SCRIB: variants seen among roughly 807,000 people sequenced by gnomAD.
The protein encoded by SCRIB is protein scribble homolog.
Under a neutral mutation model 170.0 loss-of-function variants are expected in SCRIB, and 72 were observed. That is an observed-to-expected ratio of 0.42 (90% CI 0.35 to 0.52). SCRIB has a LOEUF of 0.52. Among genes scored for constraint, SCRIB ranks in the 20% least tolerant of loss-of-function variants. The pLI is 0.02. For synonymous variants in SCRIB, 1,298 were observed against 1,044.3 expected, an observed-to-expected ratio of 1.24 and a Z score of -4.68; for missense variants, 2,475 against 2,338.5, an observed-to-expected ratio of 1.06 and a Z score of -1.20.
Position 143,792,682 on chromosome 8 carries a change from C to A in SCRIB, c.4177+26G>T, listed in dbSNP as rs1814754153. 4 of 1,588,908 alleles carry A rather than the reference C, an allele frequency of 2.5e-6. No homozygotes were observed. The East Asian group carries it at 6.8e-5, about 27-fold the overall frequency. On this transcript the variant is annotated intron_variant, in intron 30 of 36. Transcript: ENST00000356994. ...CAGGCCAGACCAGCCGAGACCCAAC[C>A]CCCACCCCACTTCCGTGCCCCTCAC... is the stretch of plus-strand genomic sequence containing the variant.
intron 28 of SCRIB, 106 bp downstream of exon 28, chr8:143,793,794 G>A (rs797036835): frequency 5.3e-6 from 6 of 1,133,612 alleles, no homozygotes; most frequent in African/African-American, 3.1e-5. Flanking sequence ...AGCACCCCAC[G>A]ATGGCCCCTG....
intron 24 of SCRIB, among the ~76,000 whole-genome samples, chr8:143,798,112 T>G (rs1815018862): frequency 6.6e-6 from 1 of 152,072 alleles, no homozygotes; most frequent in South Asian, 2.1e-4. Context: ...AAGAAACAGA[T>G]TTTTTCGGTG....
In SCRIB at chr8:143,792,242, G is replaced by A; in HGVS notation, c.4492C>T (p.Arg1498Cys). The A allele has an allele frequency of 1.9e-6, 3 of 1,571,384 alleles. No homozygotes were observed. Among genetic ancestry groups the A allele is most frequent in the Non-Finnish European group, 1.7e-6 (2 of 1,165,730 alleles). Residue 1498 changes from arginine to cysteine, a missense_variant, in exon 32 of 37, where the codon CGT becomes TGT. Physicochemically the swap from Arg to Cys is radical, Grantham distance 180. Around this residue, in one of 3 missense-constraint regions of SCRIB, gnomAD observed 1,966 missense variants for 1,742.9 expected, o/e 1.13. Coordinates refer to ENST00000356994, the MANE Select transcript of SCRIB (RefSeq NM_182706.5). ...CACCTGGCTGCCCTCCACAGCGCACGCTTCTCGGCCTCCAGGGCCCGGAGC... is the reference window on the plus strand; with the variant it reads ...CACCTGGCTGCCCTCCACAGCGCACACTTCTCGGCCTCCAGGGCCCGGAGC... ...AELRALEAEKRALWRAARMKS... is the reference protein window; with the variant it reads ...AELRALEAEKCALWRAARMKS...
In SCRIB at chr8:143,793,980, G is replaced by A. The variant is rs782112963; in HGVS notation, c.3847-18C>T. The A allele has an allele frequency of 6.2e-7, 1 of 1,611,538 alleles. No homozygotes were observed. Among genetic ancestry groups the A allele is most frequent in the South Asian group, 1.1e-5 (1 of 90,940 alleles). ...GACGGTACCTGGAGGAGTAGGCAGT[G>A]GGTGGGGTGAGGATGGGCAGGGCTG... On this transcript the variant is annotated intron_variant, in intron 27 of 36. Transcript: ENST00000356994.
In SCRIB at chr8:143,791,953, G is replaced by A. The variant is rs782231345; in HGVS notation, c.4657+38C>T. 109 of 1,498,200 alleles carry A rather than the reference G, an allele frequency of 7.3e-5. 1 individual carries two copies. The highest frequency in any genetic ancestry group is 6.0e-4 in the East Asian group (25 of 41,846). 92.8% of individuals were successfully genotyped at this position (1,498,200 alleles called of 1,614,324 possible). On this transcript the variant is annotated intron_variant, in intron 33 of 36. Transcript: ENST00000356994. Reference sequence around the variant, plus strand: ...AGCGGGCATTGGAAGCAGCCCATGCGGCAGGCTGACCCCCCCGACCTGCCC... The same window carrying A: ...AGCGGGCATTGGAAGCAGCCCATGCAGCAGGCTGACCCCCCCGACCTGCCC...
In SCRIB at chr8:143,803,491, C is replaced by G; in HGVS notation, c.3495G>C (p.Leu1165=). Residue 1165 remains leucine, a synonymous_variant, in exon 24 of 37, where the codon CTG becomes CTC. Coordinates refer to ENST00000356994, the MANE Select transcript of SCRIB (RefSeq NM_182706.5). ...CCGCCTCGCCGTGCGTCAGGCCCAG[C>G]AGGCTCTGCTGGTTCACCTCCAACA... ...LRLLEVNQQS[L]LGLTHGEAVQ... is the part of the protein sequence containing the mutation. 1 of 1,601,864 alleles carries G rather than the reference C, an allele frequency of 6.2e-7. No individual in the cohort carries two copies. The highest frequency in any genetic ancestry group is 8.5e-7 in the Non-Finnish European group (1 of 1,179,404).
Position 143,803,383 on chromosome 8 carries a change from C to T in SCRIB, c.3603G>A (p.Glu1201=). The change falls in exon 24 of 37, where the codon GAG becomes GAA. Residue 1201 remains glutamate (E), a splice_region_variant and synonymous_variant. Transcript: ENST00000356994. ...CGGTCCCCGGGGCGGGATCGCTAAC[C>T]TCCAGGGCTGCGTCGGTGCTGGCCT... ...GFEASTDAAL[E]VSPGVIANPF... is the part of the protein sequence containing the mutation. 6.4e-7 allele frequency: 1 copy of T among 1,571,124 alleles called. No homozygotes were observed.
chr8:143,813,791 C>T lies in SCRIB; in HGVS notation c.356+27G>A, dbSNP rs748246862. 6 of 1,604,476 alleles carry T rather than the reference C, an allele frequency of 3.7e-6. No homozygotes were observed. The African/African-American group carries it at 5.3e-5, about 14-fold the overall frequency. On this transcript the variant is annotated intron_variant, in intron 3 of 36. Transcript: ENST00000356994. The stretch of plus-strand genomic sequence containing the variant: ...AGGGCTGTGGGACCCATAGCCCCTA[C>T]CGACCCCACCACAGGCTGCCACCCA...
intron 24 of SCRIB, among the ~76,000 whole-genome samples, chr8:143,798,662 T>C (rs1815046990): frequency 6.6e-6 from 1 of 152,148 alleles, no homozygotes; most frequent in South Asian, 2.1e-4. Context: ...TTACAAAAGT[T>C]AGTAAAAACC....
intron 6 of SCRIB, 45 bp from the exon 7 acceptor site, chr8:143,813,149 C>T (rs749876901): frequency 1.3e-6 from 2 of 1,576,906 alleles, no homozygotes; most frequent in Non-Finnish European, 1.7e-6. Flanking sequence ...GGCAAAGCCT[C>T]CTGCTGCGCC....
intron 9 of SCRIB, among the ~76,000 whole-genome samples, chr8:143,811,931 C>T (rs1396815195): frequency 6.6e-6 from 1 of 152,210 alleles, no homozygotes; most frequent in African/African-American, 2.4e-5. Flanking sequence ...GCAGACGCCC[C>T]TGGGGAGCAG....
chr8:143,792,650 G>C lies in SCRIB; in HGVS notation c.4178-15C>G. 6.3e-7 allele frequency: 1 copy of C among 1,592,644 alleles called. No homozygotes were observed. The highest frequency in any genetic ancestry group is 8.5e-7 in the Non-Finnish European group (1 of 1,177,010). On this transcript the variant is annotated splice_polypyrimidine_tract_variant and intron_variant, in intron 30 of 36. Coordinates refer to ENST00000356994, the MANE Select transcript of SCRIB (RefSeq NM_182706.5). The stretch of plus-strand genomic sequence containing the variant: ...TAGTTTTCTGGCTGCCGGAGGGCAG[G>C]GTGGGTCAGGCCAGACCAGCCGAGA...
At position 143,791,407 on chromosome 8, in the gene SCRIB, C is replaced by T; in HGVS notation, c.4804G>A (p.Glu1602Lys). 6.2e-7 allele frequency: 1 copy of T among 1,610,932 alleles called. No homozygotes were observed. The highest frequency in any genetic ancestry group is 8.5e-7 in the Non-Finnish European group (1 of 1,179,224). Reference sequence around the variant, plus strand: ...AACTCACCAGGGCTGGGAGATGGTTCCAGGGACCTCAACTCCTCAGCAAAG... The same window carrying T: ...AACTCACCAGGGCTGGGAGATGGTTTCAGGGACCTCAACTCCTCAGCAAAG... ...PDFAEELRSLEPSPSPGPQEE... is the reference protein window; with the variant it reads ...PDFAEELRSLKPSPSPGPQEE... The change falls in exon 36 of 37, where the codon GAA becomes AAA. Residue 1602 changes from glutamate (E) to lysine (K), a missense_variant. By Grantham distance (56) the Glu-to-Lys change is moderately conservative (BLOSUM62 1). Around this residue, in one of 3 missense-constraint regions of SCRIB, gnomAD observed 1,966 missense variants for 1,742.9 expected, o/e 1.13. Coordinates refer to ENST00000356994, the MANE Select transcript of SCRIB (RefSeq NM_182706.5).
intron 1 of SCRIB, chr8:143,814,784 G>C: frequency 5.5e-6 from 1 of 182,696 alleles, no homozygotes; most frequent in Non-Finnish European, 1.1e-5. Flanking sequence ...GGGGGACAGC[G>C]AACAGATCCG....
chr8:143,806,622 A>G (rs1815437386), intron 17 of SCRIB, 138 bp from the exon 18 acceptor site: 3 of 715,400 alleles, frequency 4.2e-6, no homozygotes, highest in South Asian at 3.5e-5. Flanking sequence ...AGCTCTAGCC[A>G]CTGTGGGATC....
intron 28 of SCRIB, 96 bp from the exon 29 acceptor site, chr8:143,793,179 G>C: frequency 1.5e-6 from 1 of 665,888 alleles, no homozygotes; most frequent in Non-Finnish European, 2.3e-6. Context: ...CTGTCCCCCC[G>C]CCTGCCTTTG....
Position 143,805,238 on chromosome 8 carries a change from C to A in SCRIB, c.2544G>T (p.Leu848=). The part of the protein sequence containing the change: ...ERRGGGLRLP[L]LPPESPGPLR... ...GGGGCCCGGGGCTCTCAGGCGGGAG[C>A]AGGGGCAGGCGCAGCCCCCCTCCCC... Residue 848 remains leucine, a synonymous_variant, in exon 19 of 37, where the codon CTG becomes CTT. Transcript: ENST00000356994. The A allele has an allele frequency of 6.5e-7, 1 of 1,538,144 alleles. No homozygotes were observed. Among genetic ancestry groups the A allele is most frequent in the African/African-American group, 1.4e-5 (1 of 73,076 alleles).
At chr8:143,798,952 A>C (rs1554634560) in intron 24 of SCRIB, among the ~76,000 whole-genome samples, 1 of 152,178 alleles carries the variant, frequency 6.6e-6, no homozygotes. Flanking sequence ...GTCATGCCAC[A>C]GGGATGCGGG....
At position 143,812,971 on chromosome 8, in the gene SCRIB, G is replaced by A. The variant is rs778211172; in HGVS notation, c.643-10C>T. 2.5e-5 allele frequency: 40 copies of A among 1,612,482 alleles called. No homozygotes were observed. Among genetic ancestry groups the A allele is most frequent in the Admixed American group, 3.3e-5 (2 of 59,930 alleles). ...GCAGGTTCCCGAGCTCCTGCAGGTG[G>A]GCAGAGAGTCAGAGCGCGGATGGGC... is the stretch of plus-strand genomic sequence containing the variant. On this transcript the variant is annotated splice_polypyrimidine_tract_variant and intron_variant, in intron 7 of 36. Transcript: ENST00000356994.
Sources: gnomAD v4.1 joint callset for allele counts (sites outside exome capture counted in the v4.1 genomes callset) on GRCh38, gnomAD v4.1.1 for gene constraint, gnomAD v4.1.1 regional missense constraint, MANE v1.5 for transcripts, NCBI Gene and HGNC (gene_info 2026-07-23, HGNC 2026-07-21) for gene names.